Variants in CSMD1 observed in about 807,000 individuals in gnomAD.
The protein encoded by CSMD1 is CUB and Sushi multiple domains 1.
In CSMD1, 213 loss-of-function variants were observed where a neutral mutation model predicts 417.5. The observed-to-expected ratio is 0.51, with a 90% confidence interval of 0.46 to 0.57. The LOEUF is 0.57. CSMD1 is among the 20% of genes least tolerant of loss of function. The probability of loss-of-function intolerance (pLI) is 0.00; values close to 1 mark genes in which losing one functional copy is unlikely to be tolerated. For synonymous variants in CSMD1, 2,862 were observed against 1,736.8 expected, an observed-to-expected ratio of 1.65 and a Z score of -16.11; for missense variants, 6,923 against 4,529.7, an observed-to-expected ratio of 1.53 and a Z score of -15.17.
intron 12 of CSMD1, among the ~76,000 whole-genome samples, chr8:3,410,910 G>A (rs1359794639): frequency 2.0e-5 from 3 of 152,040 alleles, no homozygotes. Flanking sequence ...CAAGATAGAG[G>A]GGTATAGAGA....
At chr8:3,979,044 A>G (rs930706368) in intron 5 of CSMD1, among the ~76,000 whole-genome samples, 25 of 152,330 alleles carry the variant, frequency 1.6e-4, no homozygotes, top group African/African-American at 4.6e-4. Flanking sequence ...CTGGACCACA[A>G]GAAGTTTCCT....
chr8:4,221,013 C>G (rs1017865139), intron 3 of CSMD1, among the ~76,000 whole-genome samples: 1 of 152,126 alleles, frequency 6.6e-6, no homozygotes, highest in East Asian at 1.9e-4. Flanking sequence ...CATGTGCCCG[C>G]AGGAGGAGGC....
At chr8:4,678,089 C>T (rs181384651) in intron 1 of CSMD1, among the ~76,000 whole-genome samples, 235 of 152,196 alleles carry the variant, frequency 1.5e-3, no homozygotes, top group African/African-American at 5.5e-3. Context: ...AAGGAACTCT[C>T]TTATCAAGCT....
chr8:3,056,817 G>A (rs559544522), intron 49 of CSMD1, among the ~76,000 whole-genome samples: 469 of 151,676 alleles, frequency 3.1e-3, no homozygotes, highest in Non-Finnish European at 5.1e-3. Flanking sequence ...AAGTATTTAA[G>A]AATTTTTTAT....
At chr8:3,899,557 G>A (rs1346316038) in intron 5 of CSMD1, among the ~76,000 whole-genome samples, 33 of 152,178 alleles carry the variant, frequency 2.2e-4, no homozygotes, top group Non-Finnish European at 1.5e-5. Context: ...ACATTAAAAA[G>A]AAGGTTGTTG....
chr8:3,813,603 A>T (rs1345065853), intron 5 of CSMD1, among the ~76,000 whole-genome samples: 1 of 152,170 alleles, frequency 6.6e-6, no homozygotes, highest in Non-Finnish European at 1.5e-5. Context: ...TTTAAAAAGA[A>T]ATTCTTCAAA....
intron 3 of CSMD1, among the ~76,000 whole-genome samples, chr8:4,414,158 G>A (rs185556959): frequency 2.0e-5 from 3 of 152,274 alleles, no homozygotes; most frequent in Middle Eastern, 3.4e-3. Flanking sequence ...ATAAAGCTTT[G>A]AGCTTGAAGA....
In CSMD1 at chr8:3,108,726, G is replaced by A; in HGVS notation, c.6631C>T (p.Pro2211Ser). ...AVWDGPDQNS[P>S]QLGVFSGNTA... ...TTGCCACTGAAAACTCCCAGCTGGG[G>A]TGAGTTCTGATCGGGACCGTCCCTA... The change falls in exon 44 of 70, where the codon CCC becomes TCC. Residue 2211 changes from proline to serine, a missense_variant. Pro to Ser is a moderately conservative substitution (Grantham distance 74). Transcript: ENST00000635120. 3.7e-6 allele frequency: 6 copies of A among 1,613,444 alleles called. No homozygotes were observed. Among genetic ancestry groups the A allele is most frequent in the South Asian group, 1.1e-5 (1 of 90,880 alleles).
At chr8:3,327,661 G>C (rs886231926) in intron 23 of CSMD1, among the ~76,000 whole-genome samples, 1 of 152,252 alleles carries the variant, frequency 6.6e-6, no homozygotes, top group Non-Finnish European at 1.5e-5. Flanking sequence ...CACTCATTTT[G>C]GGGGAATAGA....
intron 1 of CSMD1, among the ~76,000 whole-genome samples, chr8:4,824,514 A>G (rs766453093): frequency 6.6e-6 from 1 of 152,146 alleles, no homozygotes; most frequent in Admixed American, 6.6e-5. Flanking sequence ...GTCCCAATTA[A>G]AATATTTTGG....
At chr8:4,215,853 G>T (rs968004570) in intron 3 of CSMD1, among the ~76,000 whole-genome samples, 1 of 152,152 alleles carries the variant, frequency 6.6e-6, no homozygotes, top group African/African-American at 2.4e-5. Flanking sequence ...CAGGGTTTAT[G>T]TGATTAATTC....
At chr8:3,700,791 G>A (rs538149782) in intron 7 of CSMD1, among the ~76,000 whole-genome samples, 23 of 152,284 alleles carry the variant, frequency 1.5e-4, no homozygotes, top group African/African-American at 5.3e-4. Context: ...CAGGATGCAA[G>A]GGTGGGAGCA....
At chr8:4,031,372 C>T (rs1365514162) in intron 4 of CSMD1, among the ~76,000 whole-genome samples, 2 of 152,214 alleles carry the variant, frequency 1.3e-5, no homozygotes, top group African/African-American at 2.4e-5. Context: ...GTCTTACATG[C>T]ATGGCAGCAG....
chr8:3,946,728 C>A (rs1811254675), intron 5 of CSMD1, among the ~76,000 whole-genome samples: 1 of 152,004 alleles, frequency 6.6e-6, no homozygotes, highest in African/African-American at 2.4e-5. Context: ...TTTGTTAGGT[C>A]TTTAGTAATT....
chr8:2,957,735 C>A lies in CSMD1; in HGVS notation c.9775G>T (p.Ala3259Ser), dbSNP rs777848732. The A allele has an allele frequency of 6.3e-7, 1 of 1,599,204 alleles. No individual in the cohort carries two copies. Among genetic ancestry groups the A allele is most frequent in the African/African-American group, 1.3e-5 (1 of 74,884 alleles). Residue 3259 changes from alanine (A) to serine (S), a missense_variant, in exon 63 of 70, where the codon GCC becomes TCC. Physicochemically the swap from Ala to Ser is moderately conservative, Grantham distance 99. Coordinates refer to ENST00000635120, the MANE Select transcript of CSMD1 (RefSeq NM_033225.6). ...IQGSTTRTCL[A>S]NLTWSGIQTE... is the part of the protein sequence containing the mutation. Reference sequence around the variant, plus strand: ...TGTATCCCACTCCATGTTAAATTGGCAAGGCAGGTGCGAGTCGTGGAACCT... The same window carrying A: ...TGTATCCCACTCCATGTTAAATTGGAAAGGCAGGTGCGAGTCGTGGAACCT...
chr8:4,599,566 G>C lies in CSMD1; in HGVS notation c.302+37776C>G, dbSNP rs375536364. ...TAAAATTACAAAAAAAAATCTCATT[G>C]ATAAGTTACGTCAACGAATATAAAT... is the stretch of plus-strand genomic sequence containing the variant. On this transcript the variant is annotated intron_variant, in intron 2 of 69. Coordinates refer to ENST00000635120, the MANE Select transcript of CSMD1 (RefSeq NM_033225.6). 5.9e-5 allele frequency among the ~76,000 whole-genome samples: 9 copies of C among 151,538 alleles called. 1 individual carries two copies. Among genetic ancestry groups the C allele is most frequent in the African/African-American group, 2.2e-4 (9 of 41,318 alleles).
At chr8:3,352,136 C>A (rs753731350) in intron 21 of CSMD1, among the ~76,000 whole-genome samples, 1 of 152,140 alleles carries the variant, frequency 6.6e-6, no homozygotes, top group African/African-American at 2.4e-5. Context: ...TCTCCAAAGG[C>A]CTACTGAGAA....
intron 3 of CSMD1, among the ~76,000 whole-genome samples, chr8:4,200,398 A>C (rs1002114497): frequency 6.6e-6 from 1 of 152,200 alleles, no homozygotes; most frequent in Admixed American, 6.5e-5. Context: ...AGCAGAAAAA[A>C]ATTAATGAAA....
chr8:4,499,250 G>A (rs183041595), intron 2 of CSMD1, among the ~76,000 whole-genome samples: 10 of 152,294 alleles, frequency 6.6e-5, no homozygotes, highest in Admixed American at 1.3e-4. Flanking sequence ...TTGGGATTCT[G>A]GATAAGCACA....
Sources: gnomAD v4.1 joint callset for allele counts (sites outside exome capture counted in the v4.1 genomes callset) on GRCh38, gnomAD v4.1.1 for gene constraint, MANE v1.5 for transcripts, NCBI Gene and HGNC (gene_info 2026-07-23, HGNC 2026-07-21) for gene names.